SLX9: variants seen among roughly 807,000 people sequenced by gnomAD.
SLX9 encodes SLX9 ribosome biogenesis factor.
Under a neutral mutation model 20.8 loss-of-function variants are expected in SLX9, and 19 were observed. The observed-to-expected ratio is 0.91, with a 90% CI of 0.64 to 1.34. SLX9 has a LOEUF of 1.34. SLX9 is among the 40% of genes most tolerant of loss of function. SLX9 has a pLI of 0.00. For missense variants in SLX9, 299 were observed against 322.2 expected (o/e 0.93, Z 0.55); for synonymous variants, 113 against 137.1 (o/e 0.82, Z 1.23).
chr21:44,969,945 GA>G (rs58645660), intron 4 of SLX9, among the ~76,000 whole-genome samples: 152,275 of 152,278 alleles, frequency 1, 76,136 homozygotes, highest in Non-Finnish European at 1. Context: ...CCTGTCAGCT[GA>G]AGATCTGTCT....
In SLX9 at chr21:44,943,827, C is replaced by T. The variant is rs1385929586; in HGVS notation, c.273C>T (p.Ser91=). ...EAGSSARSVP[S]IRRGAEAKTV... ...GCTCGAGTGCACGGAGCGTCCCTTCCATCAGGAGAGGTGAGGCAGGCTCGA... is the reference window on the plus strand; with the variant it reads ...GCTCGAGTGCACGGAGCGTCCCTTCTATCAGGAGAGGTGAGGCAGGCTCGA... The change falls in exon 2 of 6, where the codon TCC becomes TCT. Residue 91 remains serine (S), a synonymous_variant. Transcript: ENST00000291634. 3 of 1,613,208 alleles carry T rather than the reference C, an allele frequency of 1.9e-6. No homozygotes were observed. In the Admixed American group the frequency reaches 5.0e-5, roughly 27 times the overall value.
Position 44,973,209 on chromosome 21 carries a change from C to A in SLX9, c.513C>A (p.Asn171Lys), listed in dbSNP as rs779866582. 6.2e-7 allele frequency: 1 copy of A among 1,613,132 alleles called. No individual in the cohort carries two copies. Among genetic ancestry groups the A allele is most frequent in the Admixed American group, 1.7e-5 (1 of 60,008 alleles). ...TCTGTGTCCACAGCAGGGAGAGCAA[C>A]AAGCCCCGGCCCTCAGAGCTCAGCC... ...SRRQARSRES[N>K]KPRPSELSRM... The change falls in exon 5 of 6, where the codon AAC becomes AAA. Residue 171 changes from asparagine (N) to lysine (K), a missense_variant. Physicochemically the swap from Asn to Lys is moderately conservative, Grantham distance 94 (BLOSUM62 0). Transcript: ENST00000291634.
intron 4 of SLX9, chr21:44,969,169 C>G (rs962261113): frequency 2.1e-6 from 1 of 470,696 alleles, no homozygotes; most frequent in Non-Finnish European, 4.4e-6. Flanking sequence ...CCCAGCTGCC[C>G]AGGCTCGAGG....
At chr21:44,957,847 A>G (rs1422634009) in intron 2 of SLX9, among the ~76,000 whole-genome samples, 2 of 152,180 alleles carry the variant, frequency 1.3e-5, no homozygotes, top group African/African-American at 4.8e-5. Flanking sequence ...GTCTCCTGAC[A>G]CCTTTGAGCT....
chr21:44,975,904 G>T (rs931473831), intron 5 of SLX9, among the ~76,000 whole-genome samples: 5 of 152,272 alleles, frequency 3.3e-5, no homozygotes, highest in Non-Finnish European at 7.3e-5. Flanking sequence ...AAAGAGCCTT[G>T]TCAACTGCCC....
rs115961876 is a variant in SLX9, at chr21:44,941,265, G to A, written c.129+1079G>A. Among the ~76,000 whole-genome samples the A allele has an allele frequency of 5.2e-3, 794 of 151,854 alleles. 7 individuals carry two copies. The highest frequency in any genetic ancestry group is 0.018 in the African/African-American group (756 of 41,104). ...AGTTTCTGTTGCCTGGCTCATGCTG[G>A]CAGGTAGGAGCAGGTGGGCCTTCTT... On this transcript the variant is annotated intron_variant, in intron 1 of 5. Transcript: ENST00000291634.
intron 2 of SLX9, among the ~76,000 whole-genome samples, chr21:44,946,778 C>T (rs908024588): frequency 3.3e-5 from 5 of 152,212 alleles, no homozygotes; most frequent in African/African-American, 1.2e-4. Context: ...CTTCCACCGC[C>T]CTGCTGTGGG....
At chr21:44,954,188 C>A (rs1251993207) in intron 2 of SLX9, among the ~76,000 whole-genome samples, 1 of 152,090 alleles carries the variant, frequency 6.6e-6, no homozygotes, top group Non-Finnish European at 1.5e-5. Context: ...TGGAGAGAAT[C>A]CTGTGGGGTT....
chr21:44,974,526 GATAGT>G (rs1166916569), intron 5 of SLX9, among the ~76,000 whole-genome samples: 8 of 152,182 alleles, frequency 5.3e-5, no homozygotes, highest in African/African-American at 1.9e-4. Flanking sequence ...GTGAAGTATA[GATAGT>G]ATAGTAAACT....
intron 4 of SLX9, 86 bp downstream of exon 4, chr21:44,967,267 C>A: frequency 6.8e-7 from 1 of 1,476,930 alleles, no homozygotes; most frequent in Non-Finnish European, 9.0e-7. Flanking sequence ...GAGCCACGGG[C>A]CACGGTGCTT....
rs1171035419 is a variant in SLX9 at position 44,943,726 on chromosome 21, A to T, written c.172A>T (p.Ile58Leu). ...INTNIFARTK[I>L]DPSALVQKLE... ...CACCAACATCTTTGCCAGGACCAAGATAGACCCCAGCGCCTTGGTGCAGAA... is the reference window on the plus strand; with the variant it reads ...CACCAACATCTTTGCCAGGACCAAGTTAGACCCCAGCGCCTTGGTGCAGAA... Residue 58 changes from isoleucine (I) to leucine (L), a missense_variant, in exon 2 of 6, where the codon ATA (isoleucine) becomes TTA (leucine). Coordinates refer to ENST00000291634, the MANE Select transcript of SLX9 (RefSeq NM_058190.4). 6.2e-7 allele frequency: 1 copy of T among 1,614,094 alleles called. No individual in the cohort carries two copies. Among genetic ancestry groups the T allele is most frequent in the Non-Finnish European group, 8.5e-7 (1 of 1,180,030 alleles).
intron 4 of SLX9, among the ~76,000 whole-genome samples, chr21:44,971,954 T>C (rs1365775297): frequency 6.6e-6 from 1 of 152,194 alleles, no homozygotes; most frequent in Non-Finnish European, 1.5e-5. Flanking sequence ...GGCTGTCATC[T>C]GCCAGTGTGA....
chr21:44,968,277 C>T (rs1250644644), intron 4 of SLX9, among the ~76,000 whole-genome samples: 6 of 151,970 alleles, frequency 3.9e-5, no homozygotes, highest in Non-Finnish European at 5.9e-5. Flanking sequence ...CCCCCAGTGA[C>T]GCAACCCCGC....
intron 4 of SLX9, among the ~76,000 whole-genome samples, chr21:44,968,888 G>A (rs2123448265): frequency 6.6e-6 from 1 of 151,986 alleles, no homozygotes; most frequent in Admixed American, 6.5e-5. Flanking sequence ...CAAGTAGGTG[G>A]GACTACAGGC....
chr21:44,971,651 C>CA (rs1182013508), intron 4 of SLX9, among the ~76,000 whole-genome samples: 2 of 66 alleles, frequency 0.03, no homozygotes, highest in African/African-American at 0.056. Flanking sequence ...GGTCTCCTGA[C>CA]CCAGCACGTG....
chr21:44,960,718 C>T (rs1029841666), intron 3 of SLX9, among the ~76,000 whole-genome samples: 1 of 152,262 alleles, frequency 6.6e-6, no homozygotes, highest in Non-Finnish European at 1.5e-5. Flanking sequence ...TCCCTCTTTT[C>T]TGAGGTCAGC....
intron 4 of SLX9, 111 bp downstream of exon 4, chr21:44,967,292 G>A: frequency 7.1e-7 from 1 of 1,406,272 alleles, no homozygotes; most frequent in Admixed American, 2.7e-5. Flanking sequence ...AGCCTGCAGA[G>A]GCCGAGAGCT....
intron 2 of SLX9, among the ~76,000 whole-genome samples, chr21:44,944,480 C>A (rs2084607704): frequency 6.6e-6 from 1 of 152,178 alleles, no homozygotes; most frequent in Admixed American, 6.5e-5. Context: ...GAGTTCCCGG[C>A]CACCATGGTC....
rs1329490102 is a variant in SLX9, at chr21:44,940,091, C to T, written c.34C>T (p.His12Tyr). The change falls in exon 1 of 6, where the codon CAC becomes TAC. Residue 12 changes from histidine to tyrosine, a missense_variant. Physicochemically the swap from His to Tyr is moderately conservative, Grantham distance 83. Coordinates refer to ENST00000291634, the MANE Select transcript of SLX9 (RefSeq NM_058190.4). ...GKVRGLRARVHQAAVRPKGEA... is the reference protein window; with the variant it reads ...GKVRGLRARVYQAAVRPKGEA... The stretch of plus-strand genomic sequence containing the variant: ...AGTGAGGGGGTTGCGCGCCCGAGTG[C>T]ACCAGGCTGCCGTGAGGCCGAAAGG... The T allele has an allele frequency of 2.1e-6, 3 of 1,452,656 alleles. No homozygotes were observed. The highest frequency in any genetic ancestry group is 2.7e-6 in the Non-Finnish European group (3 of 1,099,988). The allele number at this position is 1,452,656 out of a possible 1,614,324, so 90.0% of individuals were successfully genotyped here. A position where few individuals can be genotyped will look rare whatever the true frequency, so the allele number is the denominator to read the frequency against.
Sources: gnomAD v4.1 joint callset for allele counts (sites outside exome capture counted in the v4.1 genomes callset) on GRCh38, gnomAD v4.1.1 for gene constraint, MANE v1.5 for transcripts, NCBI Gene and HGNC (gene_info 2026-07-23, HGNC 2026-07-21) for gene names.